Variants in PCSK6 observed in about 807,000 individuals in gnomAD.
PCSK6 encodes the protein paired basic amino acid cleaving enzyme 4.
Under a neutral mutation model 123.3 loss-of-function variants are expected in PCSK6, and 85 were observed. That is an observed-to-expected ratio of 0.69 (90% CI 0.58 to 0.83). PCSK6 has a LOEUF of 0.83. Ranked by LOEUF, PCSK6 falls within the 40% of genes least tolerant of loss-of-function variation. PCSK6 has a pLI of 0.00. For synonymous variants in PCSK6, 508 were observed against 516.0 expected (o/e 0.98, Z 0.21); for missense variants, 1,191 against 1,282.3 (o/e 0.93, Z 1.09).
chr15:101,331,825 C>T lies in PCSK6; in HGVS notation c.2038+27G>A, dbSNP rs61549793. The stretch of plus-strand genomic sequence containing the variant: ...ACAATCAAAGCTCGTGGAAGCTGGC[C>T]GTCTCCTCTTACTTCAGGCTCATTA... On this transcript the variant is annotated intron_variant, in intron 14 of 21. Transcript: ENST00000611716. 5.4e-3 allele frequency: 8,760 copies of T among 1,610,204 alleles called. 451 individuals carry two copies. The African/African-American group carries it at 0.1, about 19-fold the overall frequency.
rs555011414 is a variant in PCSK6 at position 101,403,606 on chromosome 15, C to T, written c.824-5030G>A. Among the ~76,000 whole-genome samples, 4 of 152,290 alleles carry T rather than the reference C, an allele frequency of 2.6e-5. No individual in the cohort carries two copies. In the South Asian group the frequency reaches 8.3e-4, roughly 32 times the overall value. On this transcript the variant is annotated intron_variant, in intron 6 of 21. Transcript: ENST00000611716. Reference sequence around the variant, plus strand: ...TGAACCCTGCAGCCCAATGCAAGAACAAGAACGTGACCCACTGGGGGCCTC... The same window carrying T: ...TGAACCCTGCAGCCCAATGCAAGAATAAGAACGTGACCCACTGGGGGCCTC...
chr15:101,484,158 T>A (rs1028225773), intron 1 of PCSK6, among the ~76,000 whole-genome samples: 23 of 152,202 alleles, frequency 1.5e-4, no homozygotes, highest in Non-Finnish European at 3.2e-4. Flanking sequence ...CAATTTTGTA[T>A]ATAATCCACG....
intron 1 of PCSK6, among the ~76,000 whole-genome samples, chr15:101,457,171 C>CAAAAATAAATAAATAAAT (rs936744237): frequency 2.6e-5 from 4 of 151,738 alleles, no homozygotes; most frequent in African/African-American, 7.3e-5. Context: ...GATTCCATCT[C>CAAAAATAAATAAATAAAT]AAAAATAAAT....
At position 101,304,719 on chromosome 15, in the gene PCSK6, C is replaced by T. The variant is rs2073595; in HGVS notation, c.*539G>A. The T allele has an allele frequency of 0.19, 28,455 of 152,570 alleles. 2,692 individuals carry two copies. The highest frequency in any genetic ancestry group is 0.22 in the African/African-American group (9,016 of 41,494). 9.5% of individuals were successfully genotyped at this position (152,570 alleles called of 1,614,324 possible). Reference sequence around the variant, plus strand: ...AGATACTCCGGCCCCAGTGGTCATACATTTTATGCCCTCAAACCTATCTTA... The same window carrying T: ...AGATACTCCGGCCCCAGTGGTCATATATTTTATGCCCTCAAACCTATCTTA... On this transcript the variant is annotated 3_prime_UTR_variant, in exon 22 of 22. Coordinates refer to ENST00000611716, the MANE Select transcript of PCSK6 (RefSeq NM_002570.5).
At chr15:101,394,056 G>C (rs559393695) in intron 7 of PCSK6, among the ~76,000 whole-genome samples, 34 of 152,246 alleles carry the variant, frequency 2.2e-4, no homozygotes, top group African/African-American at 7.0e-4. Context: ...TCTGCAGTGG[G>C]TAAGTATCAG....
chr15:101,362,147 G>A lies in PCSK6; in HGVS notation c.1858+4049C>T, dbSNP rs201923704. Among the ~76,000 whole-genome samples the A allele has an allele frequency of 2.6e-4, 39 of 152,128 alleles. No homozygotes were observed. In the East Asian group the frequency reaches 7.3e-3, roughly 29 times the overall value. The stretch of plus-strand genomic sequence containing the variant: ...AACTTTTTGTATTGTTAGTAGAGAT[G>A]GGGTTTCACCATGTTGGCCAGGATG... On this transcript the variant is annotated intron_variant, in intron 13 of 21. Transcript: ENST00000611716.
intron 1 of PCSK6, among the ~76,000 whole-genome samples, chr15:101,465,944 G>A (rs2057449825): frequency 6.6e-6 from 1 of 152,084 alleles, no homozygotes; most frequent in Non-Finnish European, 1.5e-5. Context: ...GAGAACAAAT[G>A]TAACAAACAG....
At chr15:101,469,093 G>A (rs2057537689) in intron 1 of PCSK6, among the ~76,000 whole-genome samples, 1 of 152,086 alleles carries the variant, frequency 6.6e-6, no homozygotes, top group Non-Finnish European at 1.5e-5. Flanking sequence ...ATAGCGCTAT[G>A]AGAAACACGT....
chr15:101,386,197 C>T (rs1193029135), intron 9 of PCSK6, among the ~76,000 whole-genome samples: 1 of 152,096 alleles, frequency 6.6e-6, no homozygotes, highest in Non-Finnish European at 1.5e-5. Context: ...ACCCTAGGAA[C>T]ACGGACTAAG....
intron 13 of PCSK6, among the ~76,000 whole-genome samples, chr15:101,351,996 T>C (rs758572328): frequency 1.7e-4 from 26 of 152,148 alleles, no homozygotes; most frequent in Non-Finnish European, 3.2e-4. Flanking sequence ...TGAGTAGTTG[T>C]CTCAGAGACC....
intron 18 of PCSK6, among the ~76,000 whole-genome samples, chr15:101,318,886 C>T (rs867554878): frequency 2.6e-5 from 4 of 152,200 alleles, no homozygotes; most frequent in South Asian, 2.1e-4. Flanking sequence ...TGCTTGAAAC[C>T]TTGGAACCTT....
chr15:101,445,847 T>C (rs2056875271), intron 1 of PCSK6, among the ~76,000 whole-genome samples: 1 of 152,226 alleles, frequency 6.6e-6, no homozygotes, highest in Non-Finnish European at 1.5e-5. Flanking sequence ...AGCAGGCTCA[T>C]GACAGGGGGG....
In PCSK6 at chr15:101,455,110, A is replaced by C. The variant is rs73483148; in HGVS notation, c.298-11450T>G. ...TGCCCCAAACTATACACTTACAAAC[A>C]GGTAAGATGATATATTTTCTATTAT... On this transcript the variant is annotated intron_variant, in intron 1 of 21. Transcript: ENST00000611716. Among the ~76,000 whole-genome samples, 428 of 152,354 alleles carry C rather than the reference A, an allele frequency of 2.8e-3. 4 individuals are homozygous for C. The highest frequency in any genetic ancestry group is 9.6e-3 in the African/African-American group (399 of 41,574).
chr15:101,370,710 T>C (rs959665812), intron 11 of PCSK6, among the ~76,000 whole-genome samples, 187 bp from the exon 12 acceptor site: 1 of 152,268 alleles, frequency 6.6e-6, no homozygotes, highest in African/African-American at 2.4e-5. Flanking sequence ...TCACCTGTCC[T>C]GAAGACGTTT....
At chr15:101,412,691 T>TTATATATATAGATATATATATATA (rs2055732744) in intron 6 of PCSK6, among the ~76,000 whole-genome samples, 1 of 124,744 alleles carries the variant, frequency 8.0e-6, no homozygotes, top group Admixed American at 7.8e-5. Context: ...AACTGGAAAA[T>TTATATATATAGATATATATATATA]TATATATATA....
chr15:101,316,945 T>C (rs1451670879), intron 19 of PCSK6, among the ~76,000 whole-genome samples: 2 of 134,230 alleles, frequency 1.5e-5, no homozygotes, highest in African/African-American at 6.4e-5. Context: ...AGTCTTACTC[T>C]GTCGCCCAGG....
intron 8 of PCSK6, among the ~76,000 whole-genome samples, chr15:101,390,533 A>G (rs947043327): frequency 1.3e-5 from 2 of 152,192 alleles, no homozygotes; most frequent in Non-Finnish European, 2.9e-5. Flanking sequence ...GAGAGGAAGC[A>G]TTAGAAGGAC....
chr15:101,459,803 A>G (rs574693787), intron 1 of PCSK6, among the ~76,000 whole-genome samples: 1 of 151,614 alleles, frequency 6.6e-6, no homozygotes, highest in Admixed American at 6.6e-5. Flanking sequence ...GGGTCCTCCA[A>G]CACCCTCAGT....
At chr15:101,327,270 G>C (rs868197437) in intron 15 of PCSK6, among the ~76,000 whole-genome samples, 5 of 152,140 alleles carry the variant, frequency 3.3e-5, no homozygotes, top group African/African-American at 1.2e-4. Flanking sequence ...AACTGCAGGC[G>C]AGCTGAGTAG....
Sources: allele counts gnomAD v4.1 joint callset (sites outside exome capture counted in the v4.1 genomes callset), GRCh38; gene constraint gnomAD v4.1.1; transcripts MANE v1.5; gene names NCBI Gene and HGNC (gene_info 2026-07-23, HGNC 2026-07-21).